KCNK2: variants seen among roughly 807,000 people sequenced by gnomAD.
The protein encoded by KCNK2 is potassium channel subfamily K member 2.
Under a neutral mutation model 40.5 loss-of-function variants are expected in KCNK2, and 21 were observed. The ratio of observed to expected loss-of-function variants is 0.52; its 90% CI spans 0.37 to 0.75. The LOEUF is 0.75. Among genes scored for constraint, KCNK2 ranks in the 30% least tolerant of loss-of-function variants. KCNK2 has a pLI of 0.00. For missense variants in KCNK2, 399 were observed against 531.6 expected (o/e 0.75, Z 2.45); for synonymous variants, 191 against 202.2 (o/e 0.94, Z 0.47).
chr1:215,093,831 T>TA (rs372888336), intron 2 of KCNK2, among the ~76,000 whole-genome samples: 55 of 20,840 alleles, frequency 2.6e-3, no homozygotes, highest in African/African-American at 5.4e-3. Context: ...ATATTATATA[T>TA]AAAATATATT....
intron 3 of KCNK2, among the ~76,000 whole-genome samples, chr1:215,138,565 C>A (rs983230960): frequency 6.6e-6 from 1 of 151,986 alleles, no homozygotes; most frequent in Admixed American, 6.6e-5. Flanking sequence ...CCAGCCTGGG[C>A]AACATTGCAA....
intron 5 of KCNK2, among the ~76,000 whole-genome samples, chr1:215,187,328 G>T (rs1571708516): frequency 6.6e-6 from 1 of 152,046 alleles, no homozygotes; most frequent in East Asian, 1.9e-4. Context: ...AATTAGTGTT[G>T]ATTCTCTACG....
chr1:215,169,388 T>C, intron 4 of KCNK2, 29 bp downstream of exon 4: 2 of 1,517,116 alleles, frequency 1.3e-6, no homozygotes, highest in East Asian at 2.4e-5. Flanking sequence ...TAACTACGTA[T>C]ATTTATTGTT....
At chr1:215,104,620 G>A (rs960686271) in intron 2 of KCNK2, among the ~76,000 whole-genome samples, 39 of 152,150 alleles carry the variant, frequency 2.6e-4, no homozygotes, top group African/African-American at 9.4e-4. Flanking sequence ...AAAGCAGGTG[G>A]TGTCTTTATG....
intron 1 of KCNK2, among the ~76,000 whole-genome samples, chr1:215,025,254 G>A (rs1016586951): frequency 5.9e-5 from 9 of 152,076 alleles, no homozygotes; most frequent in African/African-American, 2.2e-4. Context: ...GACATAAAAA[G>A]TACTCTAGAA....
intron 6 of KCNK2, among the ~76,000 whole-genome samples, chr1:215,217,641 T>A (rs1666013516): frequency 6.6e-6 from 1 of 152,178 alleles, no homozygotes. Context: ...CTTCCCTTGA[T>A]TTCCCAGGAA....
chr1:215,202,708 C>T lies in KCNK2; in HGVS notation c.963+7616C>T, dbSNP rs1464017427. The stretch of plus-strand genomic sequence containing the variant: ...TTCTAGAATACATTGTAAGTTATTT[C>T]CCTTTTAATACTAAATGAGAGAATG... On this transcript the variant is annotated intron_variant, in intron 6 of 6. Coordinates refer to ENST00000444842, the MANE Select transcript of KCNK2 (RefSeq NM_001017425.3). Among the ~76,000 whole-genome samples, 4 of 152,256 alleles carry T rather than the reference C, an allele frequency of 2.6e-5. No individual in the cohort carries two copies. In the East Asian group the frequency reaches 7.7e-4, roughly 29 times the overall value.
At chr1:215,105,815 A>G (rs890957809) in intron 2 of KCNK2, among the ~76,000 whole-genome samples, 4 of 152,020 alleles carry the variant, frequency 2.6e-5, no homozygotes, top group Admixed American at 6.6e-5. Context: ...CTCAATGTTT[A>G]GTTCCTACTT....
At chr1:215,096,604 G>T (rs766885583) in intron 2 of KCNK2, among the ~76,000 whole-genome samples, 1 of 151,982 alleles carries the variant, frequency 6.6e-6, no homozygotes, top group Admixed American at 6.6e-5. Context: ...TTGGGGCAAG[G>T]TAGGGTGGAT....
intron 1 of KCNK2, among the ~76,000 whole-genome samples, chr1:215,010,865 T>TG (rs1656354799): frequency 1.8e-5 from 2 of 110,874 alleles, no homozygotes; most frequent in East Asian, 2.4e-4. Flanking sequence ...TTTTTTTTTT[T>TG]TTTTGTGTGT....
intron 6 of KCNK2, among the ~76,000 whole-genome samples, chr1:215,210,004 T>TATATATA (rs1558141521): frequency 3.8e-5 from 3 of 79,336 alleles, no homozygotes; most frequent in African/African-American, 1.7e-4. Flanking sequence ...TAATATATAT[T>TATATATA]ATATATAATA....
chr1:215,212,944 T>C (rs1665799590), intron 6 of KCNK2, among the ~76,000 whole-genome samples: 1 of 152,208 alleles, frequency 6.6e-6, no homozygotes, highest in South Asian at 2.1e-4. Context: ...TTTCTGGCAC[T>C]TGAATGCTAA....
chr1:215,153,011 T>A (rs1350866901), intron 3 of KCNK2, among the ~76,000 whole-genome samples: 1 of 152,168 alleles, frequency 6.6e-6, no homozygotes, highest in Non-Finnish European at 1.5e-5. Context: ...TTCCTATTAG[T>A]CAAATAGAAC....
At chr1:215,156,038 T>A (rs1662904185) in intron 3 of KCNK2, among the ~76,000 whole-genome samples, 1 of 149,558 alleles carries the variant, frequency 6.7e-6, no homozygotes, top group Non-Finnish European at 1.5e-5. Context: ...TGTGTATATA[T>A]TTGTAGATAT....
At chr1:215,194,913 G>T in intron 5 of KCNK2, 40 bp from the exon 6 acceptor site, 1 of 1,599,012 alleles carries the variant, frequency 6.3e-7, no homozygotes, top group Non-Finnish European at 8.6e-7. Context: ...TTACTTTTAA[G>T]ACTATGAAGT....
intron 3 of KCNK2, among the ~76,000 whole-genome samples, chr1:215,146,226 T>C (rs1376927110): frequency 6.6e-6 from 1 of 152,180 alleles, no homozygotes; most frequent in East Asian, 1.9e-4. Context: ...TAGATTATTA[T>C]TGTTCTTTGG....
intron 2 of KCNK2, among the ~76,000 whole-genome samples, chr1:215,106,769 A>G (rs1368926679): frequency 6.6e-6 from 1 of 152,008 alleles, no homozygotes; most frequent in East Asian, 1.9e-4. Context: ...GCATATGGTG[A>G]TAGGTAGGAG....
intron 1 of KCNK2, among the ~76,000 whole-genome samples, chr1:215,012,687 T>C (rs2102471615): frequency 6.6e-6 from 1 of 151,302 alleles, no homozygotes; most frequent in East Asian, 1.9e-4. Flanking sequence ...TGCCTTGCTA[T>C]GTTGCCCAGT....
At chr1:215,076,213 A>T (rs1306156568) in intron 1 of KCNK2, among the ~76,000 whole-genome samples, 3 of 152,258 alleles carry the variant, frequency 2.0e-5, no homozygotes, top group Admixed American at 6.5e-5. Context: ...TAATTTGTGT[A>T]TCAGGTCTGA....
Sources: gnomAD v4.1 joint callset for allele counts (sites outside exome capture counted in the v4.1 genomes callset) on GRCh38, gnomAD v4.1.1 for gene constraint, MANE v1.5 for transcripts, NCBI Gene and HGNC (gene_info 2026-07-23, HGNC 2026-07-21) for gene names.